Variants in HECW1 observed in about 807,000 individuals in gnomAD.
HECW1 encodes the protein HECT, C2 and WW domain containing E3 ubiquitin protein ligase 1.
Under a neutral mutation model 182.3 loss-of-function variants are expected in HECW1, and 61 were observed. The observed-to-expected ratio is 0.33, with a 90% CI of 0.27 to 0.41. HECW1 has a LOEUF of 0.41. Among genes scored for constraint, HECW1 ranks in the 10% least tolerant of loss-of-function variants. The pLI, the probability that HECW1 is intolerant of heterozygous loss-of-function variation, is 1.00. For synonymous variants in HECW1, 859 were observed against 832.6 expected, an observed-to-expected ratio of 1.03 and a Z score of -0.55; for missense variants, 1,739 against 2,108.9, an observed-to-expected ratio of 0.82 and a Z score of 3.44.
intron 2 of HECW1, among the ~76,000 whole-genome samples, chr7:43,187,827 G>A (rs1663943915): frequency 1.3e-5 from 2 of 152,014 alleles, no homozygotes; most frequent in Non-Finnish European, 2.9e-5. Context: ...AGGTAGATGG[G>A]AGCTCTATAT....
chr7:43,315,571 G>T (rs1809135765), intron 4 of HECW1, among the ~76,000 whole-genome samples: 1 of 151,906 alleles, frequency 6.6e-6, no homozygotes, highest in Non-Finnish European at 1.5e-5. Flanking sequence ...CCAGCTCACT[G>T]CAACCTCCGC....
At chr7:43,459,024 G>A (rs6974808) in intron 13 of HECW1, among the ~76,000 whole-genome samples, 5,054 of 152,244 alleles carry the variant, frequency 0.033, 277 homozygotes, top group African/African-American at 0.12. Flanking sequence ...TTCCCCAGAC[G>A]CGGCACACTC....
intron 15 of HECW1, among the ~76,000 whole-genome samples, chr7:43,467,219 ACAT>A (rs2077816671): frequency 6.6e-6 from 1 of 152,144 alleles, no homozygotes; most frequent in African/African-American, 2.4e-5. Flanking sequence ...GACGTGAAAA[ACAT>A]CAGCCCAGTG....
rs1213975252 is a variant in HECW1, at chr7:43,466,464, T to C, written c.2809T>C (p.Ser937Pro). 1.9e-5 allele frequency: 30 copies of C among 1,613,182 alleles called. No individual in the cohort carries two copies. Among genetic ancestry groups the C allele is most frequent in the Non-Finnish European group, 2.5e-5 (29 of 1,179,514 alleles). ...QSSLDLRREG[S>P]LSPVNSQKIT... ...TTTTTCAGATCTAAGGAGAGAAGGG[T>C]CACTTTCTCCAGTGAACTCACAAAA... is the stretch of plus-strand genomic sequence containing the variant. Residue 937 changes from serine (S) to proline (P), a missense_variant, in exon 15 of 30, where the codon TCA (serine) becomes CCA (proline). By Grantham distance (74) the Ser-to-Pro change is moderately conservative. Around this residue, in one of 5 missense-constraint regions of HECW1, gnomAD observed 971 missense variants for 1,029.1 expected, o/e 0.94. Transcript: ENST00000395891.
chr7:43,320,838 A>T, intron 5 of HECW1, 96 bp downstream of exon 5: 2 of 869,562 alleles, frequency 2.3e-6, no homozygotes, highest in Non-Finnish European at 3.9e-6. Context: ...CTCCACTAAG[A>T]AATGGGCCCT....
chr7:43,214,871 C>G (rs1280224562), intron 2 of HECW1, among the ~76,000 whole-genome samples: 1 of 152,210 alleles, frequency 6.6e-6, no homozygotes, highest in African/African-American at 2.4e-5. Flanking sequence ...CTCCAGTCTT[C>G]TGTGTGTTCC....
Position 43,444,866 on chromosome 7 carries a change from C to G in HECW1, c.1694C>G (p.Thr565Ser). 1 of 1,610,440 alleles carries G rather than the reference C, an allele frequency of 6.2e-7. No individual in the cohort carries two copies. The highest frequency in any genetic ancestry group is 1.1e-5 in the South Asian group (1 of 90,834). The change falls in exon 11 of 30, where the codon ACC (threonine) becomes AGC (serine). Residue 565 changes from threonine to serine, a missense_variant. Physicochemically the swap from Thr to Ser is moderately conservative, Grantham distance 58 (BLOSUM62 1). This residue lies in a region of HECW1 where 971 missense variants were observed against 1,029.1 expected (regional missense o/e 0.94). Coordinates refer to ENST00000395891, the MANE Select transcript of HECW1 (RefSeq NM_015052.5). The surrounding 1 kb of genome is among the most constrained non-coding windows in gnomAD (Gnocchi z 4.3). The part of the protein sequence containing the change: ...TPRTHYIRIH[T>S]LLHSMPSAQG... ...CGGACACACTACATCCGCATCCACA[C>G]CCTGCTGCACAGCATGCCCTCCGCC...
At chr7:43,268,151 A>C (rs1801992072) in intron 3 of HECW1, among the ~76,000 whole-genome samples, 1 of 152,252 alleles carries the variant, frequency 6.6e-6, no homozygotes, top group African/African-American at 2.4e-5. Context: ...TCTACTAGGC[A>C]TCCTGTGTGT....
chr7:43,176,335 C>T (rs1026295747), intron 2 of HECW1, among the ~76,000 whole-genome samples: 6 of 152,218 alleles, frequency 3.9e-5, no homozygotes, highest in Non-Finnish European at 5.9e-5. Context: ...GGTCGTGAAG[C>T]AGTCCTCATT....
At chr7:43,199,383 A>G (rs993070976) in intron 2 of HECW1, among the ~76,000 whole-genome samples, 1 of 152,264 alleles carries the variant, frequency 6.6e-6, no homozygotes, top group Non-Finnish European at 1.5e-5. Flanking sequence ...TCTGAATATT[A>G]TAGACTTTGA....
intron 24 of HECW1, among the ~76,000 whole-genome samples, chr7:43,536,871 C>T (rs1228104439): frequency 1.3e-5 from 2 of 152,168 alleles, no homozygotes; most frequent in African/African-American, 2.4e-5. Context: ...CACGGAGGAG[C>T]CACTCCCTCC....
chr7:43,501,455 C>G, intron 21 of HECW1, 133 bp downstream of exon 21: 2 of 551,844 alleles, frequency 3.6e-6, no homozygotes. Flanking sequence ...AAAATGCACT[C>G]TATCAGGTTT....
intron 8 of HECW1, among the ~76,000 whole-genome samples, chr7:43,423,217 G>A (rs373839425): frequency 6.6e-6 from 1 of 152,136 alleles, no homozygotes; most frequent in Non-Finnish European, 1.5e-5. Flanking sequence ...CCTAAAGACG[G>A]CATTATTTCC....
intron 2 of HECW1, among the ~76,000 whole-genome samples, chr7:43,185,400 A>G (rs7797012): frequency 0.43 from 65,520 of 152,048 alleles, 14,596 homozygotes; most frequent in African/African-American, 0.52. Flanking sequence ...AGGGGTAAAT[A>G]GTCGGAACTG....
chr7:43,554,364 A>G (rs957358907), intron 28 of HECW1, among the ~76,000 whole-genome samples: 2 of 152,260 alleles, frequency 1.3e-5, no homozygotes, highest in Admixed American at 6.5e-5. Context: ...ATCACAGAAC[A>G]TAAAGTCCTT....
chr7:43,158,895 A>G (rs1198629984), intron 2 of HECW1, among the ~76,000 whole-genome samples: 2 of 152,206 alleles, frequency 1.3e-5, no homozygotes, highest in Non-Finnish European at 2.9e-5. Flanking sequence ...GAGGTTCTCA[A>G]ACTATACTGT....
At chr7:43,451,035 C>T in intron 12 of HECW1, 106 bp downstream of exon 12, 1 of 781,072 alleles carries the variant, frequency 1.3e-6, no homozygotes, top group Non-Finnish European at 2.2e-6. Context: ...GACTCCGTGC[C>T]TTACAGTGTT....
chr7:43,284,065 A>G (rs1804279374), intron 3 of HECW1, among the ~76,000 whole-genome samples: 1 of 152,124 alleles, frequency 6.6e-6, no homozygotes, highest in Non-Finnish European at 1.5e-5. Flanking sequence ...CTCCAGCAGC[A>G]GGGCTCTCCT....
rs377015811 is a variant in HECW1 at position 43,198,682 on chromosome 7, C to CCA, written c.-31-45185_-31-45184dup. On this transcript the variant is annotated intron_variant, in intron 2 of 29. Coordinates refer to ENST00000395891, the MANE Select transcript of HECW1 (RefSeq NM_015052.5). ...ACACACCCCCACACTCACACACACA[C>CCA]CACACACACCATACATACACCCCCC... 3.1e-3 allele frequency among the ~76,000 whole-genome samples: 464 copies of CCA among 150,044 alleles called. 1 individual carries two copies. Among genetic ancestry groups the CCA allele is most frequent in the African/African-American group, 0.011 (445 of 40,722 alleles).
Sources: allele counts gnomAD v4.1 joint callset (sites outside exome capture counted in the v4.1 genomes callset), GRCh38; gene constraint gnomAD v4.1.1; regional missense constraint gnomAD v4.1.1; non-coding constraint Gnocchi (gnomAD v3.1); transcripts MANE v1.5; gene names NCBI Gene and HGNC (gene_info 2026-07-23, HGNC 2026-07-21).